Variants in PARD3B observed in about 807,000 individuals in gnomAD.
The protein encoded by PARD3B is par-3 family cell polarity regulator beta.
In PARD3B, 103 loss-of-function variants were observed where a neutral mutation model predicts 130.2. The observed-to-expected ratio is 0.79, with a 90% confidence interval of 0.67 to 0.93. The LOEUF (loss-of-function observed/expected upper bound fraction) is 0.93, where lower values mean the gene tolerates loss of function less well. PARD3B is among the 40% of genes least tolerant of loss of function. The pLI, the probability that PARD3B is intolerant of heterozygous loss-of-function variation, is 0.00. For synonymous variants in PARD3B, 583 were observed against 553.2 expected, an observed-to-expected ratio of 1.05 and a Z score of -0.76; for missense variants, 1,609 against 1,499.2, an observed-to-expected ratio of 1.07 and a Z score of -1.21.
chr2:205,371,796 A>C (rs903014897), intron 18 of PARD3B, among the ~76,000 whole-genome samples: 1 of 152,190 alleles, frequency 6.6e-6, no homozygotes, highest in Non-Finnish European at 1.5e-5. Context: ...AGAGTTGTAC[A>C]ATCATTATAA....
At chr2:205,106,480 TA>T (rs1703224262) in intron 5 of PARD3B, among the ~76,000 whole-genome samples, 1 of 125,042 alleles carries the variant, frequency 8.0e-6, no homozygotes, top group African/African-American at 3.0e-5. Context: ...TTAAGAAATG[TA>T]TGTGTGTGTG....
chr2:204,674,224 A>G (rs1363578987), intron 1 of PARD3B, among the ~76,000 whole-genome samples: 3 of 152,188 alleles, frequency 2.0e-5, no homozygotes, highest in African/African-American at 7.2e-5. Context: ...TAAGGATAAC[A>G]TGATATTGAT....
chr2:204,740,783 G>T (rs563702587), intron 2 of PARD3B, among the ~76,000 whole-genome samples: 1 of 152,284 alleles, frequency 6.6e-6, no homozygotes, highest in Middle Eastern at 3.4e-3. Context: ...ATACATGACA[G>T]CTCTAGGCTC....
rs181909912 is a variant in PARD3B at position 205,560,343 on chromosome 2, G to T, written c.3260+6940G>T. 5.0e-4 allele frequency among the ~76,000 whole-genome samples: 76 copies of T among 152,250 alleles called. 1 individual carries two copies. Among genetic ancestry groups the T allele is most frequent in the African/African-American group, 1.8e-3 (73 of 41,550 alleles). On this transcript the variant is annotated intron_variant, in intron 22 of 22. Transcript: ENST00000406610. ...ACAGGTTAAGTAATGCCTTTCAACCGTCTCTGTAATGCTGTCATAAAAATC... is the reference window on the plus strand; with the variant it reads ...ACAGGTTAAGTAATGCCTTTCAACCTTCTCTGTAATGCTGTCATAAAAATC...
chr2:204,738,789 C>G (rs75494790), intron 2 of PARD3B, among the ~76,000 whole-genome samples: 6,816 of 152,246 alleles, frequency 0.045, 207 homozygotes, highest in African/African-American at 0.081. Flanking sequence ...GGCAAATGAG[C>G]AACATCTGAT....
chr2:205,318,043 C>T (rs888340730), intron 18 of PARD3B, among the ~76,000 whole-genome samples: 13 of 152,090 alleles, frequency 8.5e-5, no homozygotes, highest in Non-Finnish European at 1.3e-4. Context: ...GAGGGAACAT[C>T]GACCAGAAAT....
chr2:205,614,572 G>C (rs1418926523), intron 22 of PARD3B, among the ~76,000 whole-genome samples: 1 of 152,006 alleles, frequency 6.6e-6, no homozygotes, highest in East Asian at 1.9e-4. Context: ...CAGGTGTAGT[G>C]GTGGGCACCT....
intron 1 of PARD3B, among the ~76,000 whole-genome samples, chr2:204,595,921 A>G (rs2033268273): frequency 6.6e-6 from 1 of 152,250 alleles, no homozygotes; most frequent in Admixed American, 6.5e-5. Context: ...TCATTCATTC[A>G]GCAAACTTCT....
At position 204,610,050 on chromosome 2, in the gene PARD3B, G is replaced by GT. The variant is rs1245348256; in HGVS notation, c.120+63937dup. 6.6e-6 allele frequency among the ~76,000 whole-genome samples: 1 copy of GT among 152,046 alleles called. No homozygotes were observed. Among genetic ancestry groups the GT allele is most frequent in the Non-Finnish European group, 1.5e-5 (1 of 67,984 alleles). Reference sequence around the variant, plus strand: ...GGTGTCTTATTGCCACAAAGCGTCTGTTTTTTCAGTCTTATGATGCCAATT... The same window carrying GT: ...GGTGTCTTATTGCCACAAAGCGTCTGTTTTTTTCAGTCTTATGATGCCAATT... On this transcript the variant is annotated intron_variant, in intron 1 of 22. Coordinates refer to ENST00000406610, the MANE Select transcript of PARD3B (RefSeq NM_001302769.2). This position sits in a 1 kb window ranked among gnomAD's most constrained non-coding sequence, Gnocchi z 4.1.
chr2:205,266,852 G>A (rs1447741080), intron 16 of PARD3B, among the ~76,000 whole-genome samples: 5 of 152,088 alleles, frequency 3.3e-5, no homozygotes, highest in Non-Finnish European at 7.4e-5. Flanking sequence ...TTCAGACTCA[G>A]GTTGAGGGAA....
At chr2:205,448,409 GT>G (rs776960790) in intron 20 of PARD3B, among the ~76,000 whole-genome samples, 5 of 152,022 alleles carry the variant, frequency 3.3e-5, no homozygotes, top group African/African-American at 7.3e-5. Context: ...TAAATGTTTG[GT>G]TTTTTTCACT....
intron 18 of PARD3B, among the ~76,000 whole-genome samples, chr2:205,334,769 G>A (rs140116502): frequency 3.2e-3 from 491 of 152,316 alleles, no homozygotes; most frequent in Non-Finnish European, 6.0e-3. Flanking sequence ...CTTATCATTA[G>A]TTGAATGCAC....
Position 204,950,298 on chromosome 2 carries a change from G to A in PARD3B, c.223-14854G>A, listed in dbSNP as rs78548300. ...TCTGATACTATGTGCTTTGAATATGGTAAACATTCAGTAAATGTTAGCTGC... is the reference window on the plus strand; with the variant it reads ...TCTGATACTATGTGCTTTGAATATGATAAACATTCAGTAAATGTTAGCTGC... On this transcript the variant is annotated intron_variant, in intron 2 of 22. Coordinates refer to ENST00000406610, the MANE Select transcript of PARD3B (RefSeq NM_001302769.2). Among the ~76,000 whole-genome samples the A allele has an allele frequency of 7.3e-3, 1,117 of 152,240 alleles. 21 individuals are homozygous for A. Among genetic ancestry groups the A allele is most frequent in the African/African-American group, 0.025 (1,047 of 41,528 alleles).
At chr2:205,376,451 T>C (rs1283801855) in intron 18 of PARD3B, among the ~76,000 whole-genome samples, 1 of 152,168 alleles carries the variant, frequency 6.6e-6, no homozygotes, top group Non-Finnish European at 1.5e-5. Context: ...GCAGCGATGA[T>C]GTCTGAGGAT....
At chr2:204,727,212 A>G (rs1270252089) in intron 2 of PARD3B, among the ~76,000 whole-genome samples, 1 of 151,998 alleles carries the variant, frequency 6.6e-6, no homozygotes, top group African/African-American at 2.4e-5. Context: ...TGTTTGTTTT[A>G]TTTGTTTATT....
intron 10 of PARD3B, among the ~76,000 whole-genome samples, chr2:205,137,714 C>T (rs1476231911): frequency 6.6e-6 from 1 of 152,178 alleles, no homozygotes; most frequent in African/African-American, 2.4e-5. Context: ...GAATGGCCTT[C>T]CTTACACGTG....
rs1216640448 is a variant in PARD3B at position 205,473,795 on chromosome 2, G to C, written c.3045-26101G>C. Reference sequence around the variant, plus strand: ...ATATTTTATATTTTTTTAACTTGCAGTTCAACCTGTTGTCTTACGAAAGGG... The same window carrying C: ...ATATTTTATATTTTTTTAACTTGCACTTCAACCTGTTGTCTTACGAAAGGG... On this transcript the variant is annotated intron_variant, in intron 20 of 22. Coordinates refer to ENST00000406610, the MANE Select transcript of PARD3B (RefSeq NM_001302769.2). The surrounding 1 kb of genome is among the most constrained non-coding windows in gnomAD (Gnocchi z 4.9). 6.8e-6 allele frequency among the ~76,000 whole-genome samples: 1 copy of C among 147,186 alleles called. No homozygotes were observed. Among genetic ancestry groups the C allele is most frequent in the Admixed American group, 6.9e-5 (1 of 14,502 alleles).
chr2:205,469,242 T>G (rs1278658679), intron 20 of PARD3B, among the ~76,000 whole-genome samples: 1 of 152,166 alleles, frequency 6.6e-6, no homozygotes. Context: ...CTTAGCTACA[T>G]GACTTCAAGG....
chr2:204,811,575 G>A (rs1053194581), intron 2 of PARD3B, among the ~76,000 whole-genome samples: 2 of 152,158 alleles, frequency 1.3e-5, no homozygotes, highest in African/African-American at 4.8e-5. Context: ...GGTTCCTGAT[G>A]AGGAAGCATT....
Sources: gnomAD v4.1 joint callset for allele counts (sites outside exome capture counted in the v4.1 genomes callset) on GRCh38, gnomAD v4.1.1 for gene constraint, Gnocchi (gnomAD v3.1) non-coding constraint, MANE v1.5 for transcripts, NCBI Gene and HGNC (gene_info 2026-07-23, HGNC 2026-07-21) for gene names.